The following CDK12 variants were observed in gnomAD, a reference collection of about 807,000 sequenced individuals.
CDK12 encodes the protein cyclin-dependent kinase 12.
A neutral mutation model predicts 133.8 loss-of-function variants in CDK12; 17 were observed. That is an observed-to-expected ratio of 0.13 (90% CI 0.09 to 0.19). CDK12 has a LOEUF of 0.19. CDK12 is among the 10% of genes least tolerant of loss of function. The pLI is 1.00. For missense variants in CDK12, 1,508 were observed against 1,818.7 expected (o/e 0.83, Z 3.11); for synonymous variants, 694 against 683.6 (o/e 1.02, Z -0.24).
chr17:39,473,505 G>C (rs1193644878), intron 2 of CDK12, among the ~76,000 whole-genome samples: 1 of 152,122 alleles, frequency 6.6e-6, no homozygotes. Flanking sequence ...ACTCTGGAAA[G>C]CCGAGGTAGA....
At chr17:39,563,459 T>TTCC (rs1567827752) in intron 3 of CDK12, among the ~76,000 whole-genome samples, 1 of 21,402 alleles carries the variant, frequency 4.7e-5, no homozygotes, top group African/African-American at 1.2e-4. Context: ...TTCTCTTGCT[T>TTCC]CCCGCCCCCC....
intron 3 of CDK12, among the ~76,000 whole-genome samples, chr17:39,557,443 T>C (rs1457205070): frequency 6.6e-6 from 1 of 152,176 alleles, no homozygotes; most frequent in Non-Finnish European, 1.5e-5. Context: ...GGCATCCTAG[T>C]CATGGCCTCA....
Position 39,524,662 on chromosome 17 carries a change from G to A in CDK12, c.3096-12G>A. 1 of 1,612,210 alleles carries A rather than the reference G, an allele frequency of 6.2e-7. No individual in the cohort carries two copies. Among genetic ancestry groups the A allele is most frequent in the Non-Finnish European group, 8.5e-7 (1 of 1,178,574 alleles). ...CCCTTACATATTTCCCCTTTGCTTT[G>A]TCTTTTTCCAGCCTCCCCCACTGGC... is the stretch of plus-strand genomic sequence containing the variant. On this transcript the variant is annotated splice_polypyrimidine_tract_variant and intron_variant, in intron 11 of 13. Transcript: ENST00000447079.
chr17:39,512,829 C>T (rs939649852), intron 8 of CDK12, among the ~76,000 whole-genome samples: 1 of 152,134 alleles, frequency 6.6e-6, no homozygotes, highest in African/African-American at 2.4e-5. Flanking sequence ...GAAGTAGTTT[C>T]CTAGTATCCT....
At chr17:39,525,332 T>G (rs548936773) in intron 12 of CDK12, among the ~76,000 whole-genome samples, 1 of 152,354 alleles carries the variant, frequency 6.6e-6, no homozygotes, top group South Asian at 2.1e-4. Context: ...TCTGAAACTA[T>G]GTCATATTGA....
chr17:39,478,043 A>G (rs1369637070), intron 2 of CDK12, among the ~76,000 whole-genome samples: 1 of 141,850 alleles, frequency 7.0e-6, no homozygotes, highest in Non-Finnish European at 1.5e-5. Flanking sequence ...TTTTTTTTTT[A>G]GCCATCTCCT....
At chr17:39,508,048 G>A (rs1356645559) in intron 6 of CDK12, among the ~76,000 whole-genome samples, 1 of 152,026 alleles carries the variant, frequency 6.6e-6, no homozygotes, top group Non-Finnish European at 1.5e-5. Flanking sequence ...TGCTTGAGAC[G>A]AGAATTCTTT....
At chr17:39,555,736 A>C (rs2056129251) in intron 2 of CDK12, among the ~76,000 whole-genome samples, 1 of 151,448 alleles carries the variant, frequency 6.6e-6, no homozygotes, top group Admixed American at 6.6e-5. Context: ...ACTTATGCCT[A>C]TAATCCCAGC....
In CDK12 at chr17:39,495,667, C is replaced by T. The variant is rs555330920; in HGVS notation, c.2419+973C>T. Among the ~76,000 whole-genome samples, 1,261 of 151,308 alleles carry T rather than the reference C, an allele frequency of 8.3e-3. 11 individuals are homozygous for T. Among genetic ancestry groups the T allele is most frequent in the Middle Eastern group, 0.014 (4 of 292 alleles). ...AAAATTAGCCGGACATGGTGGCAGGCGCCTGTAGTCCCAGCTACTCAGGAG... is the reference window on the plus strand; with the variant it reads ...AAAATTAGCCGGACATGGTGGCAGGTGCCTGTAGTCCCAGCTACTCAGGAG... On this transcript the variant is annotated intron_variant, in intron 5 of 13. Coordinates refer to ENST00000447079, the MANE Select transcript of CDK12 (RefSeq NM_016507.4).
At chr17:39,466,615 G>GGA (rs1567677231) in intron 1 of CDK12, among the ~76,000 whole-genome samples, 8 of 31,434 alleles carry the variant, frequency 2.5e-4, no homozygotes, top group Non-Finnish European at 3.6e-4. Flanking sequence ...AACTCTATCT[G>GGA]AAAAAAAAAA....
intron 2 of CDK12, among the ~76,000 whole-genome samples, chr17:39,476,711 CTTTTTTTTTTTTTTTTT>C (rs879840168): frequency 1.2e-5 from 1 of 84,516 alleles, no homozygotes; most frequent in African/African-American, 5.7e-5. Flanking sequence ...CCATGCCTGC[CTTTTTTTTTTTTTTTTT>C]TTTTTTTTTT....
At chr17:39,507,309 G>A (rs1012114979) in intron 6 of CDK12, among the ~76,000 whole-genome samples, 2 of 151,602 alleles carry the variant, frequency 1.3e-5, no homozygotes, top group South Asian at 4.2e-4. Flanking sequence ...ATCAGCGGCC[G>A]GGCGCGGTGG....
At chr17:39,468,219 C>G (rs543040735) in intron 1 of CDK12, among the ~76,000 whole-genome samples, 19 of 152,158 alleles carry the variant, frequency 1.2e-4, no homozygotes, top group African/African-American at 4.6e-4. Flanking sequence ...TATATTTTAA[C>G]TGACTTTTGG....
At chr17:39,522,968 G>A (rs949712008) in intron 11 of CDK12, among the ~76,000 whole-genome samples, 2 of 151,940 alleles carry the variant, frequency 1.3e-5, no homozygotes, top group Admixed American at 6.6e-5. Flanking sequence ...GAGGAGAATC[G>A]CCTGAACTCG....
At chr17:39,527,805 C>T (rs1037745471) in intron 13 of CDK12, among the ~76,000 whole-genome samples, 1 of 152,172 alleles carries the variant, frequency 6.6e-6, no homozygotes, top group African/African-American at 2.4e-5. Flanking sequence ...CCTCAGCCTC[C>T]CATAGTGCTG....
rs111714320 is a variant in CDK12 at position 39,542,506 on chromosome 17, C to A, written c.451-1743C>A. Among the ~76,000 whole-genome samples the A allele has an allele frequency of 4.2e-3, 606 of 144,194 alleles. 6 individuals carry two copies. The highest frequency in any genetic ancestry group is 0.015 in the African/African-American group (575 of 38,694). 94.6% of individuals were successfully genotyped at this position (144,194 alleles called of 152,430 possible). A position where few individuals can be genotyped will look rare whatever the true frequency, so the allele number is the denominator to read the frequency against. ...GCGCCCAGCCTCTTATTTTCTTTTTCTTTTTCTTTTCTTTTTTTTTGAAAC... is the reference window on the plus strand; with the variant it reads ...GCGCCCAGCCTCTTATTTTCTTTTTATTTTTCTTTTCTTTTTTTTTGAAAC... On this transcript the variant is annotated intron_variant and NMD_transcript_variant, in intron 1 of 4. Coordinates refer to the CDK12 transcript ENST00000559663.
chr17:39,471,449 A>G lies in CDK12; in HGVS notation c.1617A>G (p.Leu539=), dbSNP rs759592393. The change falls in exon 2 of 14, where the codon CTA becomes CTG. Residue 539 remains leucine, a synonymous_variant. Transcript: ENST00000447079. Reference sequence around the variant, plus strand: ...CAATTGCTTCTCCCCCACCCCCTCTACCAACTACTACCCCTCCACCTCAGA... The same window carrying G: ...CAATTGCTTCTCCCCCACCCCCTCTGCCAACTACTACCCCTCCACCTCAGA... ...LPTIASPPPP[L]PTTTPPPQTP... 1.6e-5 allele frequency: 26 copies of G among 1,595,012 alleles called. No homozygotes were observed. The highest frequency in any genetic ancestry group is 4.5e-5 in the East Asian group (2 of 44,368).
At chr17:39,553,295 C>T (rs1044091073) in intron 2 of CDK12, among the ~76,000 whole-genome samples, 1 of 151,990 alleles carries the variant, frequency 6.6e-6, no homozygotes, top group Non-Finnish European at 1.5e-5. Flanking sequence ...AGCAGGTCCC[C>T]TCTCTGTAGC....
intron 2 of CDK12, among the ~76,000 whole-genome samples, chr17:39,553,320 A>G (rs1426253811): frequency 6.6e-6 from 1 of 151,990 alleles, no homozygotes; most frequent in Non-Finnish European, 1.5e-5. Context: ...AAAGCCATGA[A>G]GAAGGGGAAG....
Sources: gnomAD v4.1 joint callset for allele counts (sites outside exome capture counted in the v4.1 genomes callset) on GRCh38, gnomAD v4.1.1 for gene constraint, MANE v1.5 for transcripts, NCBI Gene and HGNC (gene_info 2026-07-23, HGNC 2026-07-21) for gene names.